Variants in PAH observed in about 807,000 individuals in gnomAD.
PAH encodes the protein phenylalanine-4-hydroxylase.
A neutral mutation model predicts 62.0 loss-of-function variants in PAH; 64 were observed. That is an observed-to-expected ratio of 1.03 (90% CI 0.84 to 1.27). The LOEUF (loss-of-function observed/expected upper bound fraction) is 1.27, where lower values mean the gene tolerates loss of function less well. Among genes scored for constraint, PAH ranks in the 50% most tolerant of loss-of-function variants. PAH has a pLI of 0.00. For missense variants in PAH, 579 were observed against 542.8 expected, an observed-to-expected ratio of 1.07 and a Z score of -0.66; for synonymous variants, 195 against 196.2, an observed-to-expected ratio of 0.99 and a Z score of 0.05.
intron 4 of PAH, among the ~76,000 whole-genome samples, chr12:102,869,032 C>A (rs1876190666): frequency 6.6e-6 from 1 of 152,168 alleles, no homozygotes; most frequent in Admixed American, 6.5e-5. Context: ...AGAACTAGCA[C>A]CTCCATTTGG....
At chr12:102,862,357 C>T (rs1440796361) in intron 5 of PAH, among the ~76,000 whole-genome samples, 1 of 151,982 alleles carries the variant, frequency 6.6e-6, no homozygotes, top group African/African-American at 2.4e-5. Flanking sequence ...TGAGAACATA[C>T]AGACACATAG....
chr12:102,889,756 T>C (rs1877201176), intron 3 of PAH, among the ~76,000 whole-genome samples: 1 of 152,196 alleles, frequency 6.6e-6, no homozygotes. Context: ...CTAACTTCTG[T>C]CTACCCAAGA....
chr12:102,931,751 G>A (rs78742852), intron 1 of PAH, among the ~76,000 whole-genome samples: 4,819 of 152,148 alleles, frequency 0.032, 266 homozygotes, highest in African/African-American at 0.11. Flanking sequence ...GCCCTCTTGC[G>A]AAAAGGAATA....
intron 1 of PAH, chr12:102,913,744 A>G: frequency 2.9e-6 from 2 of 695,804 alleles, no homozygotes; most frequent in Non-Finnish European, 5.2e-6. Context: ...ATAACCTATC[A>G]GAAAATAAAC....
intron 2 of PAH, among the ~76,000 whole-genome samples, chr12:102,900,049 C>CT (rs749407597): frequency 0.027 from 3,025 of 113,230 alleles, 170 homozygotes; most frequent in African/African-American, 0.067. Flanking sequence ...ACATTTATTG[C>CT]TTTTTTTTTT....
Position 102,852,841 on chromosome 12 carries a change from T to A in PAH, c.816A>T (p.Gly272=). 6.2e-7 allele frequency: 1 copy of A among 1,613,940 alleles called. No homozygotes were observed. Among genetic ancestry groups the A allele is most frequent in the Non-Finnish European group, 8.5e-7 (1 of 1,179,966 alleles). ...GTTCGGGGGTATACATGGGCTTGGA[T>A]CCATGTCTGATGTACTGTGTGCAGT... The part of the protein sequence containing the change: ...VFHCTQYIRH[G]SKPMYTPEPD... The change falls in exon 7 of 13, where the codon GGA becomes GGT. Residue 272 remains glycine, a synonymous_variant. Transcript: ENST00000553106.
At chr12:102,859,794 C>T (rs1875634469) in intron 5 of PAH, among the ~76,000 whole-genome samples, 1 of 152,138 alleles carries the variant, frequency 6.6e-6, no homozygotes, top group Non-Finnish European at 1.5e-5. Context: ...TAAAAACTCT[C>T]AATAAATTAG....
At position 102,895,869 on chromosome 12, in the gene PAH, A is replaced by AAATATAT. The variant is rs953209518; in HGVS notation, c.169-952_169-951insATATATT. 4.3e-3 allele frequency among the ~76,000 whole-genome samples: 514 copies of AAATATAT among 118,662 alleles called. 1 individual carries two copies. Among genetic ancestry groups the AAATATAT allele is most frequent in the African/African-American group, 0.017 (471 of 28,042 alleles). The allele number at this position is 118,662 out of a possible 152,430, so 77.8% of individuals were successfully genotyped here. A position where few individuals can be genotyped will look rare whatever the true frequency, so the allele number is the denominator to read the frequency against. On this transcript the variant is annotated intron_variant, in intron 2 of 12. Transcript: ENST00000553106. ...GACTCTGTCTCAAAAAAAAAAAAAA[A>AAATATAT]ATATATATATATATATATATATGTA...
chr12:102,942,015 A>G (rs1430655230), intron 1 of PAH, among the ~76,000 whole-genome samples: 1 of 152,158 alleles, frequency 6.6e-6, no homozygotes, highest in African/African-American at 2.4e-5. Context: ...CTGGAACAAG[A>G]CAAGGATGCC....
intron 5 of PAH, among the ~76,000 whole-genome samples, chr12:102,860,134 C>T (rs1875651253): frequency 6.6e-6 from 1 of 152,204 alleles, no homozygotes; most frequent in Admixed American, 6.5e-5. Flanking sequence ...AGCAAAGTCT[C>T]AGGATACAAA....
chr12:102,893,925 T>C (rs1306184129), intron 3 of PAH, among the ~76,000 whole-genome samples: 1 of 152,176 alleles, frequency 6.6e-6, no homozygotes, highest in Non-Finnish European at 1.5e-5. Context: ...TAAGAGAGTC[T>C]ACCTGCCCAC....
intron 1 of PAH, among the ~76,000 whole-genome samples, chr12:102,943,737 A>G (rs1336648440): frequency 1.3e-5 from 2 of 152,188 alleles, no homozygotes; most frequent in African/African-American, 2.4e-5. Flanking sequence ...CATAAAAATG[A>G]ATGAAATCAT....
At chr12:102,895,048 G>A in intron 2 of PAH, 130 bp from the exon 3 acceptor site, 2 of 735,274 alleles carry the variant, frequency 2.7e-6, no homozygotes, top group East Asian at 2.7e-5. Flanking sequence ...TTTTATAAGA[G>A]TATAAAAAAG....
intron 4 of PAH, among the ~76,000 whole-genome samples, chr12:102,869,187 C>T (rs1876196271): frequency 6.6e-6 from 1 of 152,158 alleles, no homozygotes; most frequent in Non-Finnish European, 1.5e-5. Flanking sequence ...AGTTCTTACC[C>T]CCATTTGCCT....
At chr12:102,903,797 T>C (rs562973541) in intron 2 of PAH, among the ~76,000 whole-genome samples, 1 of 152,290 alleles carries the variant, frequency 6.6e-6, no homozygotes, top group East Asian at 1.9e-4. Context: ...ACGTCAGAGA[T>C]GACCTTGGAG....
At chr12:102,885,344 G>A (rs1301551603) in intron 3 of PAH, among the ~76,000 whole-genome samples, 2 of 152,188 alleles carry the variant, frequency 1.3e-5, no homozygotes, top group African/African-American at 2.4e-5. Context: ...CCAGGCCTCC[G>A]TTTTGAAAAG....
chr12:102,915,002 C>T (rs1401111927), intron 1 of PAH, among the ~76,000 whole-genome samples: 9 of 152,210 alleles, frequency 5.9e-5, no homozygotes, highest in Non-Finnish European at 1.3e-4. Flanking sequence ...CCCTCAAACG[C>T]TCCATCCCCA....
chr12:102,921,741 G>T (rs1286749449), upstream of PAH, among the ~76,000 whole-genome samples: 1 of 152,044 alleles, frequency 6.6e-6, no homozygotes, highest in Non-Finnish European at 1.5e-5. Flanking sequence ...CACAGTCCAG[G>T]TAATACCACT....
intron 2 of PAH, among the ~76,000 whole-genome samples, chr12:102,898,140 C>T (rs1489916182): frequency 6.6e-6 from 1 of 152,248 alleles, no homozygotes; most frequent in Non-Finnish European, 1.5e-5. Flanking sequence ...GCATCCCACT[C>T]CCACATTCGT....
Sources: allele counts gnomAD v4.1 joint callset (sites outside exome capture counted in the v4.1 genomes callset), GRCh38; gene constraint gnomAD v4.1.1; transcripts MANE v1.5; gene names NCBI Gene and HGNC (gene_info 2026-07-23, HGNC 2026-07-21).